Variants in PAG1 observed in about 807,000 individuals in gnomAD.
PAG1 encodes phosphoprotein membrane anchor with glycosphingolipid microdomains 1, also known as phosphoprotein associated with glycosphingolipid-enriched microdomains 1.
A neutral mutation model predicts 31.7 loss-of-function variants in PAG1; 23 were observed. That is an observed-to-expected ratio of 0.73 (90% CI 0.52 to 1.03). The LOEUF (loss-of-function observed/expected upper bound fraction) is 1.03, where lower values mean the gene tolerates loss of function less well. Ranked by LOEUF, PAG1 falls within the 50% of genes least tolerant of loss-of-function variation. The pLI is 0.00. For missense variants in PAG1, 473 were observed against 540.7 expected (o/e 0.87, Z 1.24); for synonymous variants, 214 against 210.3 (o/e 1.02, Z -0.15).
chr8:81,085,808 C>T (rs1021973873), intron 1 of PAG1, among the ~76,000 whole-genome samples: 2 of 152,090 alleles, frequency 1.3e-5, no homozygotes, highest in African/African-American at 2.4e-5. Flanking sequence ...AAAACTGAAT[C>T]GTTAATACAG....
intron 2 of PAG1, among the ~76,000 whole-genome samples, chr8:81,050,471 C>G: frequency 6.6e-6 from 1 of 152,012 alleles, no homozygotes; most frequent in East Asian, 1.9e-4. Context: ...GGTTCCAGCA[C>G]CATGTTGCAG....
chr8:81,105,831 T>C (rs1262110393), intron 1 of PAG1, among the ~76,000 whole-genome samples: 3 of 152,272 alleles, frequency 2.0e-5, no homozygotes, highest in South Asian at 4.1e-4. Flanking sequence ...TAAATTCACA[T>C]AAAAGCTTAC....
At chr8:81,016,699 T>C (rs1808077892) in intron 3 of PAG1, among the ~76,000 whole-genome samples, 1 of 152,226 alleles carries the variant, frequency 6.6e-6, no homozygotes, top group Non-Finnish European at 1.5e-5. Context: ...TCCTTTCTCC[T>C]TGCCCTTTAA....
intron 1 of PAG1, among the ~76,000 whole-genome samples, chr8:81,110,207 T>G (rs1029440146): frequency 6.6e-6 from 1 of 152,194 alleles, no homozygotes; most frequent in Non-Finnish European, 1.5e-5. Context: ...GTTTAAACAA[T>G]AATTTCAAGT....
At chr8:81,056,019 C>A (rs1171602052) in intron 2 of PAG1, among the ~76,000 whole-genome samples, 1 of 152,164 alleles carries the variant, frequency 6.6e-6, no homozygotes, top group Non-Finnish European at 1.5e-5. Flanking sequence ...TGAGAGAGGG[C>A]ATCCCTGTCT....
At chr8:81,100,873 A>G (rs1052655784) in intron 1 of PAG1, among the ~76,000 whole-genome samples, 4 of 152,258 alleles carry the variant, frequency 2.6e-5, no homozygotes, top group South Asian at 4.1e-4. Flanking sequence ...GTGGAAATAC[A>G]TAAGAGAAGT....
chr8:81,094,899 G>A (rs1192656167), intron 1 of PAG1, among the ~76,000 whole-genome samples: 1 of 152,214 alleles, frequency 6.6e-6, no homozygotes, highest in African/African-American at 2.4e-5. Flanking sequence ...TGCACCAGCT[G>A]TGTGACCTTG....
chr8:80,987,446 G>T lies in PAG1; in HGVS notation c.198C>A (p.Phe66Leu), dbSNP rs761960912. The change falls in exon 6 of 9, where the codon TTC (phenylalanine) becomes TTA (leucine). Residue 66 changes from phenylalanine to leucine, a missense_variant. Physicochemically the swap from Phe to Leu is conservative, Grantham distance 22. Coordinates refer to ENST00000220597, the MANE Select transcript of PAG1 (RefSeq NM_018440.4). The part of the protein sequence containing the change: ...LMNVPSDKEM[F>L]SRSVTSLATD... ...TTGCCAGGCTAGTAACTGAACGGCT[G>T]AACATCTCCTTGTCTGAAGGCTGAA... is the stretch of plus-strand genomic sequence containing the variant. 3.1e-6 allele frequency: 5 copies of T among 1,613,488 alleles called. No homozygotes were observed. The African/African-American group carries it at 4.0e-5, about 13-fold the overall frequency.
chr8:81,086,820 G>A lies in PAG1; in HGVS notation c.-233-16650C>T, dbSNP rs185275926. On this transcript the variant is annotated intron_variant, in intron 1 of 8. Transcript: ENST00000220597. ...AGACAAGCAAATTAAAAAGTATAAC[G>A]TCAGGTTATGGTGTGGAGGAGGTGC... 1.4e-3 allele frequency among the ~76,000 whole-genome samples: 219 copies of A among 152,234 alleles called. 1 individual carries two copies. Among genetic ancestry groups the A allele is most frequent in the African/African-American group, 5.1e-3 (212 of 41,530 alleles).
intron 2 of PAG1, among the ~76,000 whole-genome samples, chr8:81,032,712 A>G (rs1203885990): frequency 6.6e-6 from 1 of 152,144 alleles, no homozygotes; most frequent in Non-Finnish European, 1.5e-5. Flanking sequence ...CAGCAATTCC[A>G]CTCCCAGGTA....
intron 2 of PAG1, among the ~76,000 whole-genome samples, chr8:81,037,579 T>C (rs1193471149): frequency 6.6e-6 from 1 of 152,238 alleles, no homozygotes; most frequent in Non-Finnish European, 1.5e-5. Flanking sequence ...TATAGCATGC[T>C]TCTCAGGCAT....
intron 5 of PAG1, 81 bp downstream of exon 5, chr8:80,991,398 C>T: frequency 1.2e-5 from 13 of 1,097,136 alleles, no homozygotes; most frequent in Non-Finnish European, 1.8e-5. Context: ...AGGCTGTGAG[C>T]ACATGGGAGC....
At chr8:81,103,919 C>T (rs1194257682) in intron 1 of PAG1, among the ~76,000 whole-genome samples, 1 of 152,110 alleles carries the variant, frequency 6.6e-6, no homozygotes, top group African/African-American at 2.4e-5. Context: ...CCCATGAAGC[C>T]TGTGTCCTGC....
At chr8:81,033,852 C>A (rs1427602718) in intron 2 of PAG1, among the ~76,000 whole-genome samples, 1 of 152,220 alleles carries the variant, frequency 6.6e-6, no homozygotes, top group African/African-American at 2.4e-5. Flanking sequence ...GGGCTGAGCC[C>A]CCGCTGGCAG....
chr8:80,993,066 T>A (rs570796203), intron 4 of PAG1, 37 bp downstream of exon 4: 30 of 1,561,984 alleles, frequency 1.9e-5, no homozygotes, highest in Admixed American at 5.1e-5. Flanking sequence ...GGGGATGTAT[T>A]AGTTTAAGGC....
At position 80,990,657 on chromosome 8, in the gene PAG1, G is replaced by T. The variant is rs1396447602; in HGVS notation, c.177+822C>A. Among the ~76,000 whole-genome samples the T allele has an allele frequency of 6.6e-6, 1 of 152,072 alleles. No homozygotes were observed. Among genetic ancestry groups the T allele is most frequent in the Admixed American group, 6.5e-5 (1 of 15,268 alleles). On this transcript the variant is annotated intron_variant, in intron 5 of 8. Transcript: ENST00000220597. This position sits in a 1 kb window ranked among gnomAD's most constrained non-coding sequence, Gnocchi z 5.1. ...ACACTCTCAGGCTGTTCCTCGCCAG[G>T]GTGGATCCCTGAGGGCCTCAGGATC...
chr8:81,050,320 T>C (rs1808707241), intron 2 of PAG1, among the ~76,000 whole-genome samples: 1 of 152,192 alleles, frequency 6.6e-6, no homozygotes, highest in Non-Finnish European at 1.5e-5. Flanking sequence ...ACCTCATTCA[T>C]ATACCCAAAT....
rs373402179 is a variant in PAG1 at position 81,076,818 on chromosome 8, T to C, written c.-233-6648A>G. Among the ~76,000 whole-genome samples the C allele has an allele frequency of 7.1e-4, 108 of 152,386 alleles. 1 individual carries two copies. Among genetic ancestry groups the C allele is most frequent in the African/African-American group, 2.5e-3 (104 of 41,586 alleles). ...ATATTTATTACTGCCTCAATATTTA[T>C]TACTGTCTCTATACATATTTCTCTG... is the stretch of plus-strand genomic sequence containing the variant. On this transcript the variant is annotated intron_variant, in intron 1 of 8. Coordinates refer to ENST00000220597, the MANE Select transcript of PAG1 (RefSeq NM_018440.4).
At chr8:81,057,382 A>C (rs950631018) in intron 2 of PAG1, among the ~76,000 whole-genome samples, 10 of 152,230 alleles carry the variant, frequency 6.6e-5, no homozygotes, top group Admixed American at 2.0e-4. Context: ...ACGGAATACT[A>C]TGCAGCCATA....
Sources: allele counts gnomAD v4.1 joint callset (sites outside exome capture counted in the v4.1 genomes callset), GRCh38; gene constraint gnomAD v4.1.1; non-coding constraint Gnocchi (gnomAD v3.1); transcripts MANE v1.5; gene names NCBI Gene and HGNC (gene_info 2026-07-23, HGNC 2026-07-21).